TRIB2: variants seen among roughly 807,000 people sequenced by gnomAD.
TRIB2 encodes the protein tribbles homolog 2.
TRIB2 carries 2 observed loss-of-function variants against 26.8 expected under a neutral mutation model. The observed-to-expected ratio is 0.07, with a 90% CI of 0.03 to 0.24. The LOEUF (loss-of-function observed/expected upper bound fraction) is 0.24. TRIB2 is among the 10% of genes least tolerant of loss of function. TRIB2 has a pLI of 1.00. For synonymous variants in TRIB2, 189 were observed against 187.3 expected (o/e 1.01, Z -0.08); for missense variants, 306 against 449.0 (o/e 0.68, Z 2.88).
At chr2:12,736,468 C>T (rs1661574421) in intron 2 of TRIB2, among the ~76,000 whole-genome samples, 1 of 152,068 alleles carries the variant, frequency 6.6e-6, no homozygotes, top group Non-Finnish European at 1.5e-5. Flanking sequence ...CTGATATCCC[C>T]ACCCCCTTAT....
At chr2:12,724,257 G>A (rs1302609562) in intron 2 of TRIB2, among the ~76,000 whole-genome samples, 1 of 152,250 alleles carries the variant, frequency 6.6e-6, no homozygotes, top group African/African-American at 2.4e-5. Flanking sequence ...ATGCATGGCA[G>A]TGCAGAGGTC....
rs140781296 is a variant in TRIB2 at position 12,721,994 on chromosome 2, T to C, written c.271-1266T>C. On this transcript the variant is annotated intron_variant, in intron 1 of 2. Coordinates refer to ENST00000155926, the MANE Select transcript of TRIB2 (RefSeq NM_021643.4). ...AGCTTTTATCAGATTTTATGTGACA[T>C]CAGGACCCAAAAAAGGTTAACACTG... is the stretch of plus-strand genomic sequence containing the variant. 2.5e-3 allele frequency among the ~76,000 whole-genome samples: 381 copies of C among 152,266 alleles called. 2 individuals carry two copies. The highest frequency in any genetic ancestry group is 8.5e-3 in the African/African-American group (355 of 41,540).
rs1661692796 is a variant in TRIB2 at position 12,740,636 on chromosome 2, G to A, written c.874G>A (p.Glu292Lys). 6.2e-7 allele frequency: 1 copy of A among 1,614,072 alleles called. No individual in the cohort carries two copies. Among genetic ancestry groups the A allele is most frequent in the Non-Finnish European group, 8.5e-7 (1 of 1,180,050 alleles). ...KCLIRSILRREPSERLTSQEI... is the reference protein window; with the variant it reads ...KCLIRSILRRKPSERLTSQEI... ...CCTCATCCGAAGCATTCTGCGTCGG[G>A]AGCCCTCAGAGCGGCTGACCTCGCA... Residue 292 changes from glutamate (E) to lysine (K), a missense_variant, in exon 3 of 3, where the codon GAG becomes AAG. Glu to Lys is a moderately conservative substitution (Grantham distance 56). Coordinates refer to ENST00000155926, the MANE Select transcript of TRIB2 (RefSeq NM_021643.4). This position sits in a 1 kb window ranked among gnomAD's most constrained non-coding sequence, Gnocchi z 5.8.
intron 2 of TRIB2, chr2:12,724,963 T>G: frequency 7.6e-7 from 1 of 1,322,382 alleles, no homozygotes; most frequent in Admixed American, 2.9e-5. Context: ...TTTGTTTACC[T>G]CTTACCATAA....
intron 2 of TRIB2, among the ~76,000 whole-genome samples, chr2:12,725,865 C>T (rs1243881583): frequency 6.6e-6 from 1 of 152,252 alleles, no homozygotes; most frequent in Admixed American, 6.5e-5. Context: ...TTTGGCCATG[C>T]AGCCGTGTTG....
Position 12,718,856 on chromosome 2 carries a change from C to T in TRIB2, c.270+279C>T, listed in dbSNP as rs978743211. On this transcript the variant is annotated intron_variant, in intron 1 of 2. Coordinates refer to ENST00000155926, the MANE Select transcript of TRIB2 (RefSeq NM_021643.4). This position sits in a 1 kb window ranked among gnomAD's most constrained non-coding sequence, Gnocchi z 4.0. ...CACGGACACGCGTGCACCGAAGGCT[C>T]CAGGAGCTCTCTGCGCGAGGCCGGG... 9.9e-5 allele frequency among the ~76,000 whole-genome samples: 15 copies of T among 152,122 alleles called. No individual in the cohort carries two copies. The highest frequency in any genetic ancestry group is 7.9e-4 in the Admixed American group (12 of 15,284).
At position 12,717,810 on chromosome 2, in the gene TRIB2, C is replaced by A; in HGVS notation, c.-498C>A. The A allele has an allele frequency of 3.5e-6, 1 of 283,420 alleles. No homozygotes were observed. The highest frequency in any genetic ancestry group is 6.5e-6 in the Non-Finnish European group (1 of 154,078). 17.6% of individuals were successfully genotyped at this position (283,420 alleles called of 1,614,324 possible). ...CAGCCGGTAGACCCGTGCTTGTTTCCTTTCTCTTTTTGTTTGGCTTCTAAC... is the reference window on the plus strand; with the variant it reads ...CAGCCGGTAGACCCGTGCTTGTTTCATTTCTCTTTTTGTTTGGCTTCTAAC... On this transcript the variant is annotated 5_prime_UTR_variant, in exon 1 of 3. Coordinates refer to ENST00000155926, the MANE Select transcript of TRIB2 (RefSeq NM_021643.4). The surrounding 1 kb of genome is among the most constrained non-coding windows in gnomAD (Gnocchi z 4.8).
intron 2 of TRIB2, among the ~76,000 whole-genome samples, chr2:12,734,069 A>G (rs1395063969): frequency 6.6e-6 from 1 of 152,202 alleles, no homozygotes; most frequent in Non-Finnish European, 1.5e-5. Flanking sequence ...TTCATTCAGC[A>G]GGTTGAGAGC....
intron 1 of TRIB2, among the ~76,000 whole-genome samples, chr2:12,720,303 T>A (rs1661175988): frequency 6.6e-6 from 1 of 152,244 alleles, no homozygotes; most frequent in African/African-American, 2.4e-5. Flanking sequence ...ATCTGCTGGT[T>A]TAGTTATTGC....
chr2:12,718,967 C>G lies in TRIB2; in HGVS notation c.270+390C>G, dbSNP rs541682801. ...AGGGAATCCCCCGGTAATTTTAAGACTGATGACTTCGTTCTTTTCGCAGCC... is the reference window on the plus strand; with the variant it reads ...AGGGAATCCCCCGGTAATTTTAAGAGTGATGACTTCGTTCTTTTCGCAGCC... On this transcript the variant is annotated intron_variant, in intron 1 of 2. Coordinates refer to ENST00000155926, the MANE Select transcript of TRIB2 (RefSeq NM_021643.4). The surrounding 1 kb of genome is among the most constrained non-coding windows in gnomAD (Gnocchi z 4.0). 1.0e-3 allele frequency among the ~76,000 whole-genome samples: 153 copies of G among 152,294 alleles called. No homozygotes were observed. Among genetic ancestry groups the G allele is most frequent in the African/African-American group, 3.4e-3 (142 of 41,560 alleles).
intron 2 of TRIB2, among the ~76,000 whole-genome samples, chr2:12,737,658 T>C (rs1661611915): frequency 6.6e-6 from 1 of 152,210 alleles, no homozygotes; most frequent in Non-Finnish European, 1.5e-5. Context: ...CTATAGATTA[T>C]AATAGAATGT....
At chr2:12,729,925 G>A (rs183515245) in intron 2 of TRIB2, among the ~76,000 whole-genome samples, 3 of 152,326 alleles carry the variant, frequency 2.0e-5, no homozygotes, top group African/African-American at 7.2e-5. Context: ...AGTGCCTGGT[G>A]CACTGCAGCT....
intron 2 of TRIB2, among the ~76,000 whole-genome samples, chr2:12,738,272 T>G (rs1158465090): frequency 1.3e-5 from 2 of 152,208 alleles, no homozygotes; most frequent in African/African-American, 4.8e-5. Flanking sequence ...GAGATGGACT[T>G]GAGTCACAAG....
chr2:12,739,480 G>T (rs1661661776), intron 2 of TRIB2, among the ~76,000 whole-genome samples: 1 of 77,900 alleles, frequency 1.3e-5, no homozygotes, highest in Non-Finnish European at 2.9e-5. Context: ...GGCTGGTCTT[G>T]AACTCACCCG....
chr2:12,727,299 C>G (rs1217730008), intron 2 of TRIB2, among the ~76,000 whole-genome samples: 4 of 152,052 alleles, frequency 2.6e-5, no homozygotes, highest in African/African-American at 9.7e-5. Flanking sequence ...ACAGCTGTTC[C>G]TAGAGTCATT....
chr2:12,730,432 A>C (rs1432258617), intron 2 of TRIB2, among the ~76,000 whole-genome samples: 1 of 152,152 alleles, frequency 6.6e-6, no homozygotes, highest in Non-Finnish European at 1.5e-5. Flanking sequence ...CAACCCTGAG[A>C]AAGAATTTTC....
rs917736689 is a variant in TRIB2 at position 12,718,246 on chromosome 2, T to G, written c.-62T>G. ...GGCACCGAGGCGCCTGCAGCCGCAC[T>G]CGCCAGCGACTCATCTCTCCAGCGG... On this transcript the variant is annotated 5_prime_UTR_variant, in exon 1 of 3. Coordinates refer to ENST00000155926, the MANE Select transcript of TRIB2 (RefSeq NM_021643.4). The surrounding 1 kb of genome is among the most constrained non-coding windows in gnomAD (Gnocchi z 4.0). The G allele has an allele frequency of 1.1e-4, 177 of 1,564,984 alleles. No individual in the cohort carries two copies. The highest frequency in any genetic ancestry group is 1.5e-4 in the Non-Finnish European group (169 of 1,155,696).
At position 12,718,242 on chromosome 2, in the gene TRIB2, G is replaced by A. The variant is rs990667153; in HGVS notation, c.-66G>A. On this transcript the variant is annotated 5_prime_UTR_variant, in exon 1 of 3. Coordinates refer to ENST00000155926, the MANE Select transcript of TRIB2 (RefSeq NM_021643.4). This position sits in a 1 kb window ranked among gnomAD's most constrained non-coding sequence, Gnocchi z 4.0. The stretch of plus-strand genomic sequence containing the variant: ...CAGTGGCACCGAGGCGCCTGCAGCC[G>A]CACTCGCCAGCGACTCATCTCTCCA... The A allele has an allele frequency of 3.2e-6, 5 of 1,559,900 alleles. No individual in the cohort carries two copies. The highest frequency in any genetic ancestry group is 4.3e-6 in the Non-Finnish European group (5 of 1,153,314).
chr2:12,729,884 A>G (rs1661417384), intron 2 of TRIB2, among the ~76,000 whole-genome samples: 1 of 152,184 alleles, frequency 6.6e-6, no homozygotes, highest in Non-Finnish European at 1.5e-5. Context: ...ATGAGAAGAG[A>G]CAATATATTA....
Sources: gnomAD v4.1 joint callset for allele counts (sites outside exome capture counted in the v4.1 genomes callset) on GRCh38, gnomAD v4.1.1 for gene constraint, Gnocchi (gnomAD v3.1) non-coding constraint, MANE v1.5 for transcripts, NCBI Gene and HGNC (gene_info 2026-07-23, HGNC 2026-07-21) for gene names.